The following CALCR variants were observed in gnomAD, a reference collection of about 807,000 sequenced individuals.
CALCR encodes calcitonin receptor.
CALCR carries 47 observed loss-of-function variants against 59.5 expected under a neutral mutation model. That is an observed-to-expected ratio of 0.79 (90% CI 0.63 to 1.01). The LOEUF is 1.01. Ranked by LOEUF, CALCR falls within the 50% of genes least tolerant of loss-of-function variation. The probability of loss-of-function intolerance (pLI) is 0.00; values close to 1 mark genes in which losing one functional copy is unlikely to be tolerated. For synonymous variants in CALCR, 213 were observed against 211.3 expected, an observed-to-expected ratio of 1.01 and a Z score of -0.07; for missense variants, 566 against 597.1, an observed-to-expected ratio of 0.95 and a Z score of 0.54.
intron 2 of CALCR, among the ~76,000 whole-genome samples, chr7:93,548,917 G>A (rs1264192699): frequency 6.7e-6 from 1 of 150,028 alleles, no homozygotes; most frequent in East Asian, 2.0e-4. Context: ...TACTCCCTGG[G>A]ACTTTTATTA....
intron 2 of CALCR, among the ~76,000 whole-genome samples, chr7:93,531,888 T>C (rs1788849544): frequency 6.6e-6 from 1 of 152,048 alleles, no homozygotes; most frequent in Admixed American, 6.6e-5. Context: ...ATCATAAAGG[T>C]TTTTTTAAAA....
chr7:93,519,340 G>A (rs1801711149), intron 2 of CALCR, among the ~76,000 whole-genome samples: 1 of 151,990 alleles, frequency 6.6e-6, no homozygotes, highest in African/African-American at 2.4e-5. Context: ...TTATAGAGTA[G>A]TGATTCTAGG....
At chr7:93,545,617 C>A (rs1789266794) in intron 2 of CALCR, among the ~76,000 whole-genome samples, 1 of 152,078 alleles carries the variant, frequency 6.6e-6, no homozygotes, top group Admixed American at 6.6e-5. Flanking sequence ...CCTATGCTGG[C>A]AAGAAGTATA....
intron 7 of CALCR, chr7:93,462,174 T>A: frequency 1.2e-6 from 1 of 826,922 alleles, no homozygotes; most frequent in Non-Finnish European, 1.9e-6. Context: ...CTATTATAGT[T>A]ACAGTTTTCA....
At chr7:93,570,053 G>A in intron 2 of CALCR, among the ~76,000 whole-genome samples, 1 of 151,988 alleles carries the variant, frequency 6.6e-6, no homozygotes. Context: ...TCCAAATCAG[G>A]AGTCAATTTT....
intron 2 of CALCR, among the ~76,000 whole-genome samples, chr7:93,541,096 C>A (rs1789125668): frequency 6.6e-6 from 1 of 152,076 alleles, no homozygotes; most frequent in Non-Finnish European, 1.5e-5. Flanking sequence ...CTCCACTGGG[C>A]TGAACAAGAC....
Position 93,439,139 on chromosome 7 carries a change from A to G in CALCR, c.803-869T>C, listed in dbSNP as rs117473249. Among the ~76,000 whole-genome samples, 1,354 of 152,298 alleles carry G rather than the reference A, an allele frequency of 8.9e-3. 5 individuals are homozygous for G. Among genetic ancestry groups the G allele is most frequent in the Middle Eastern group, 0.017 (5 of 294 alleles). ...TTTGTTATTGTCATCAGATTAAGAA[A>G]TGTGTCTTAGGAAAGAATTAAATCA... On this transcript the variant is annotated intron_variant, in intron 9 of 13. Coordinates refer to ENST00000426151, the MANE Select transcript of CALCR (RefSeq NM_001742.4).
chr7:93,486,687 T>G (rs1396763007), intron 3 of CALCR, among the ~76,000 whole-genome samples: 1 of 151,546 alleles, frequency 6.6e-6, no homozygotes, highest in African/African-American at 2.4e-5. Flanking sequence ...AAATTAATGC[T>G]AAAGTTTTGT....
At chr7:93,555,844 T>C (rs1272815968) in intron 2 of CALCR, among the ~76,000 whole-genome samples, 1 of 152,190 alleles carries the variant, frequency 6.6e-6, no homozygotes, top group Non-Finnish European at 1.5e-5. Context: ...AGTGGACAGA[T>C]ATTTATCGCA....
intron 2 of CALCR, among the ~76,000 whole-genome samples, chr7:93,554,769 GTATATATATATATA>G (rs55879216): frequency 4.3e-5 from 5 of 117,200 alleles, no homozygotes; most frequent in East Asian, 5.6e-4. Context: ...GCCAGGCCAT[GTATATATATATATA>G]TATATATATT....
chr7:93,442,219 C>T (rs780936043), intron 9 of CALCR, among the ~76,000 whole-genome samples: 4 of 152,158 alleles, frequency 2.6e-5, no homozygotes, highest in Non-Finnish European at 5.9e-5. Flanking sequence ...CCTTAGATTC[C>T]ATGAGATACG....
rs111234461 is a variant in CALCR, at chr7:93,506,646, ATTTT to A, written c.-26-19643_-26-19640del. Among the ~76,000 whole-genome samples, 20 of 141,416 alleles carry A rather than the reference ATTTT, an allele frequency of 1.4e-4. 1 individual carries two copies. The highest frequency in any genetic ancestry group is 3.1e-4 in the Non-Finnish European group (20 of 64,090). The allele number at this position is 141,416 out of a possible 152,430, so 92.8% of individuals were successfully genotyped here. A position where few individuals can be genotyped will look rare whatever the true frequency, so the allele number is the denominator to read the frequency against. On this transcript the variant is annotated intron_variant, in intron 2 of 13. Transcript: ENST00000426151. ...TTTGGTCAAACAGTTGTTGATTGTGATTTTTTTTTTTTTTTGGCTTCACTTGGTG... is the reference window on the plus strand; with the variant it reads ...TTTGGTCAAACAGTTGTTGATTGTGATTTTTTTTTTTGGCTTCACTTGGTG...
chr7:93,439,906 C>A (rs551784967), intron 9 of CALCR, among the ~76,000 whole-genome samples: 1 of 152,064 alleles, frequency 6.6e-6, no homozygotes, highest in East Asian at 1.9e-4. Flanking sequence ...GGAGAGAAAT[C>A]GACTACTAAG....
At chr7:93,568,510 T>TCTCTCTCC (rs1789920337) in intron 2 of CALCR, among the ~76,000 whole-genome samples, 4 of 7,840 alleles carry the variant, frequency 5.1e-4, no homozygotes, top group African/African-American at 1.0e-3. Flanking sequence ...AAAATTACTT[T>TCTCTCTCC]CTCTCTCTCT....
intron 2 of CALCR, among the ~76,000 whole-genome samples, chr7:93,503,245 G>A (rs1254817962): frequency 6.6e-6 from 1 of 152,048 alleles, no homozygotes; most frequent in Non-Finnish European, 1.5e-5. Context: ...CTGTTCTCAG[G>A]GCAGAGGATG....
At chr7:93,457,564 A>G (rs1242184618) in intron 8 of CALCR, among the ~76,000 whole-genome samples, 1 of 152,160 alleles carries the variant, frequency 6.6e-6, no homozygotes, top group East Asian at 1.9e-4. Flanking sequence ...GTGACTGAGC[A>G]TGCTCCCAGA....
At position 93,518,471 on chromosome 7, in the gene CALCR, C is replaced by T. The variant is rs1801691403; in HGVS notation, c.-26-31464G>A. Among the ~76,000 whole-genome samples the T allele has an allele frequency of 3.3e-5, 5 of 151,854 alleles. No individual in the cohort carries two copies. In the South Asian group the frequency reaches 6.2e-4, roughly 19 times the overall value. ...TGTGCAAATTAATGTCATGAGTTTT[C>T]CCACCTGTTAGCTTAGCAAAGACTA... On this transcript the variant is annotated intron_variant, in intron 2 of 13. Coordinates refer to ENST00000426151, the MANE Select transcript of CALCR (RefSeq NM_001742.4).
chr7:93,497,066 A>G (rs1349329226), intron 2 of CALCR, among the ~76,000 whole-genome samples: 2 of 151,560 alleles, frequency 1.3e-5, no homozygotes, highest in African/African-American at 4.8e-5. Context: ...TAAAATGTCT[A>G]TCTAAATCCA....
intron 2 of CALCR, among the ~76,000 whole-genome samples, chr7:93,521,838 C>A (rs1484540470): frequency 6.6e-6 from 1 of 152,040 alleles, no homozygotes; most frequent in African/African-American, 2.4e-5. Flanking sequence ...TTAAATAATT[C>A]TTTCTCTTTA....
Sources: allele counts gnomAD v4.1 joint callset (sites outside exome capture counted in the v4.1 genomes callset), GRCh38; gene constraint gnomAD v4.1.1; transcripts MANE v1.5; gene names NCBI Gene and HGNC (gene_info 2026-07-23, HGNC 2026-07-21).